Variants in ZNF804A observed in about 807,000 individuals in gnomAD.
The protein encoded by ZNF804A is zinc finger protein 804A.
A neutral mutation model predicts 16.5 loss-of-function variants in ZNF804A; 2 were observed. The ratio of observed to expected loss-of-function variants is 0.12; its 90% confidence interval spans 0.05 to 0.38. The LOEUF is 0.38. Ranked by LOEUF, ZNF804A falls within the 10% of genes least tolerant of loss-of-function variation. ZNF804A has a pLI of 0.99. For missense variants in ZNF804A, 1,473 were observed against 1,390.7 expected (o/e 1.06, Z -0.94); for synonymous variants, 534 against 489.6 (o/e 1.09, Z -1.20).
intron 1 of ZNF804A, among the ~76,000 whole-genome samples, chr2:184,686,058 TG>T (rs2105722214): frequency 6.6e-6 from 1 of 152,356 alleles, no homozygotes; most frequent in Non-Finnish European, 1.5e-5. Flanking sequence ...CAACAATGCC[TG>T]GGCTTGGCCA....
In ZNF804A at chr2:184,937,915, C is replaced by G; in HGVS notation, c.2519C>G (p.Ser840Cys). Residue 840 changes from serine (S) to cysteine (C), a missense_variant, in exon 4 of 4, where the codon TCT becomes TGT. Transcript: ENST00000302277. ...ACAGATTATCCCGTGAAAGACAATTCTTCCTTAAATCCTCTGGATAGGTTA... is the reference window on the plus strand; with the variant it reads ...ACAGATTATCCCGTGAAAGACAATTGTTCCTTAAATCCTCTGGATAGGTTA... ...ENTDYPVKDN[S>C]SLNPLDRLIS... 6.2e-7 allele frequency: 1 copy of G among 1,614,084 alleles called. No homozygotes were observed. Among genetic ancestry groups the G allele is most frequent in the African/African-American group, 1.3e-5 (1 of 75,050 alleles).
At chr2:184,630,612 G>C (rs1454239815) in intron 1 of ZNF804A, among the ~76,000 whole-genome samples, 1 of 152,006 alleles carries the variant, frequency 6.6e-6, no homozygotes, top group East Asian at 1.9e-4. Flanking sequence ...AATTCTAAGG[G>C]TAAAAAATTC....
chr2:184,695,618 A>G (rs1692819544), intron 1 of ZNF804A, among the ~76,000 whole-genome samples: 1 of 151,778 alleles, frequency 6.6e-6, no homozygotes, highest in African/African-American at 2.4e-5. Flanking sequence ...GGGTCTTGCC[A>G]TATTACCCGG....
At chr2:184,673,727 T>C (rs1692376278) in intron 1 of ZNF804A, among the ~76,000 whole-genome samples, 1 of 152,180 alleles carries the variant, frequency 6.6e-6, no homozygotes, top group African/African-American at 2.4e-5. Flanking sequence ...ACCATTAAAA[T>C]AGACTACCAA....
At chr2:184,761,854 T>G (rs893593918) in intron 1 of ZNF804A, among the ~76,000 whole-genome samples, 1 of 152,162 alleles carries the variant, frequency 6.6e-6, no homozygotes, top group African/African-American at 2.4e-5. Context: ...TGTATGGATC[T>G]GGCATTATTC....
intron 1 of ZNF804A, among the ~76,000 whole-genome samples, chr2:184,716,651 T>G (rs2105739805): frequency 6.6e-6 from 1 of 152,246 alleles, no homozygotes; most frequent in African/African-American, 2.4e-5. Flanking sequence ...TATTGAATGC[T>G]TACATGGAGT....
intron 1 of ZNF804A, among the ~76,000 whole-genome samples, chr2:184,740,507 G>T (rs1003948434): frequency 6.6e-6 from 1 of 152,010 alleles, no homozygotes; most frequent in Admixed American, 6.6e-5. Flanking sequence ...TTATTTCTCA[G>T]GCATAGATTT....
chr2:184,739,754 C>T (rs898006977), intron 1 of ZNF804A, among the ~76,000 whole-genome samples: 1 of 152,146 alleles, frequency 6.6e-6, no homozygotes, highest in Non-Finnish European at 1.5e-5. Flanking sequence ...CCTCCATACA[C>T]AACCACTCAA....
intron 1 of ZNF804A, among the ~76,000 whole-genome samples, chr2:184,773,177 T>C (rs1694242897): frequency 6.6e-6 from 1 of 151,466 alleles, no homozygotes; most frequent in African/African-American, 2.4e-5. Flanking sequence ...ATTAGCTTAC[T>C]TTTAAAAAAA....
chr2:184,663,385 G>A (rs1056593910), intron 1 of ZNF804A, among the ~76,000 whole-genome samples: 1 of 152,120 alleles, frequency 6.6e-6, no homozygotes, highest in African/African-American at 2.4e-5. Context: ...TGCCACCTGG[G>A]CCCCCTCTAG....
intron 1 of ZNF804A, among the ~76,000 whole-genome samples, chr2:184,725,874 A>G (rs1236428538): frequency 6.6e-6 from 1 of 151,686 alleles, no homozygotes; most frequent in South Asian, 2.1e-4. Flanking sequence ...TATTCCAAGA[A>G]ATCATATAGT....
At chr2:184,817,523 C>A (rs1695002660) in intron 1 of ZNF804A, among the ~76,000 whole-genome samples, 1 of 152,008 alleles carries the variant, frequency 6.6e-6, no homozygotes, top group Non-Finnish European at 1.5e-5. Flanking sequence ...CAATACCTCT[C>A]CAACAAGGAC....
At chr2:184,628,183 G>A (rs912143910) in intron 1 of ZNF804A, among the ~76,000 whole-genome samples, 3 of 152,048 alleles carry the variant, frequency 2.0e-5, no homozygotes, top group Non-Finnish European at 2.9e-5. Flanking sequence ...GCATGGTGGC[G>A]CATGCCTGCA....
chr2:184,855,976 A>G (rs1237381581), intron 1 of ZNF804A, among the ~76,000 whole-genome samples: 2 of 152,084 alleles, frequency 1.3e-5, no homozygotes, highest in African/African-American at 4.8e-5. Context: ...TAATGTCAAT[A>G]ATGAGACTCC....
In ZNF804A at chr2:184,751,655, G is replaced by A. The variant is rs564607388; in HGVS notation, c.112-114714G>A. Among the ~76,000 whole-genome samples the A allele has an allele frequency of 7.9e-5, 12 of 151,468 alleles. No homozygotes were observed. The South Asian group carries it at 2.1e-3, about 26-fold the overall frequency. ...AAGTGAAACTAACTTAAACTAAAAC[G>A]CCTCTGCATAGTAAAAGAAATAACA... On this transcript the variant is annotated intron_variant, in intron 1 of 3. Transcript: ENST00000302277.
In ZNF804A at chr2:184,598,899, C is replaced by A; in HGVS notation, c.-61C>A. 3.4e-6 allele frequency: 4 copies of A among 1,185,478 alleles called. No homozygotes were observed. The highest frequency in any genetic ancestry group is 4.6e-6 in the Non-Finnish European group (4 of 860,670). The allele number at this position is 1,185,478 out of a possible 1,614,324, so 73.4% of individuals were successfully genotyped here. ...CACCGTCGCCGGCCCCGGCGCGCTGCGGCTGTGGGCGCGGGGTGCGTGGAA... is the reference window on the plus strand; with the variant it reads ...CACCGTCGCCGGCCCCGGCGCGCTGAGGCTGTGGGCGCGGGGTGCGTGGAA... On this transcript the variant is annotated 5_prime_UTR_variant, in exon 1 of 4. Transcript: ENST00000302277.
At chr2:184,867,265 C>A (rs1049738812) in intron 2 of ZNF804A, among the ~76,000 whole-genome samples, 1 of 152,026 alleles carries the variant, frequency 6.6e-6, no homozygotes, top group Non-Finnish European at 1.5e-5. Flanking sequence ...TGATACAATA[C>A]ACAGTATTAG....
intron 1 of ZNF804A, among the ~76,000 whole-genome samples, chr2:184,694,107 C>CTT (rs77462641): frequency 6.3e-5 from 9 of 142,154 alleles, no homozygotes; most frequent in East Asian, 2.0e-4. Flanking sequence ...TTTATTTTTA[C>CTT]TTTTTTTTTT....
At chr2:184,819,941 A>G (rs1407400884) in intron 1 of ZNF804A, among the ~76,000 whole-genome samples, 1 of 151,984 alleles carries the variant, frequency 6.6e-6, no homozygotes, top group Non-Finnish European at 1.5e-5. Context: ...CTACCAACCA[A>G]AACAAGCCCA....
Sources: allele counts gnomAD v4.1 joint callset (sites outside exome capture counted in the v4.1 genomes callset), GRCh38; gene constraint gnomAD v4.1.1; transcripts MANE v1.5; gene names NCBI Gene and HGNC (gene_info 2026-07-23, HGNC 2026-07-21).